Variants in CNTN5 observed in about 807,000 individuals in gnomAD.
CNTN5 encodes the protein contactin-5.
Under a neutral mutation model 129.1 loss-of-function variants are expected in CNTN5, and 77 were observed. That is an observed-to-expected ratio of 0.60 (90% confidence interval 0.50 to 0.72). CNTN5 has a LOEUF of 0.72. CNTN5 is among the 30% of genes least tolerant of loss of function. The probability of loss-of-function intolerance (pLI) is 0.00; values close to 1 mark genes in which losing one functional copy is unlikely to be tolerated. For missense variants in CNTN5, 1,478 were observed against 1,328.8 expected, an observed-to-expected ratio of 1.11 and a Z score of -1.75; for synonymous variants, 509 against 465.6, an observed-to-expected ratio of 1.09 and a Z score of -1.20.
At chr11:99,561,276 G>A (rs937295036) in intron 3 of CNTN5, among the ~76,000 whole-genome samples, 2 of 151,392 alleles carry the variant, frequency 1.3e-5, no homozygotes, top group African/African-American at 4.8e-5. Flanking sequence ...ACCAAAACTG[G>A]GACAATTTCA....
At chr11:100,143,880 C>T (rs1244067974) in intron 13 of CNTN5, among the ~76,000 whole-genome samples, 1 of 152,066 alleles carries the variant, frequency 6.6e-6, no homozygotes, top group Non-Finnish European at 1.5e-5. Flanking sequence ...TTTTTTCCTC[C>T]TCAAGGCATG....
At chr11:99,435,798 G>A (rs1943576606) in intron 2 of CNTN5, among the ~76,000 whole-genome samples, 2 of 152,152 alleles carry the variant, frequency 1.3e-5, no homozygotes, top group Non-Finnish European at 2.9e-5. Flanking sequence ...ACATAGACAA[G>A]CTTCAATTAG....
chr11:100,308,484 T>C lies in CNTN5; in HGVS notation c.2730+16T>C, dbSNP rs200693361. On this transcript the variant is annotated intron_variant, in intron 21 of 24. Transcript: ENST00000524871. ...GGGATTTGAGGTATGAACAGAATGATTGAAAATAAGCCTTATTGTTTCTTC... is the reference window on the plus strand; with the variant it reads ...GGGATTTGAGGTATGAACAGAATGACTGAAAATAAGCCTTATTGTTTCTTC... 1.1e-4 allele frequency: 175 copies of C among 1,605,580 alleles called. 3 individuals are homozygous for C. The South Asian group carries it at 1.2e-3, about 11-fold the overall frequency.
chr11:100,177,745 T>C (rs1948013449), intron 13 of CNTN5, among the ~76,000 whole-genome samples: 1 of 152,156 alleles, frequency 6.6e-6, no homozygotes, highest in South Asian at 2.1e-4. Context: ...ACGTAGAGTT[T>C]AAAGTTCTGT....
chr11:100,130,929 A>C (rs1946353794), intron 13 of CNTN5, among the ~76,000 whole-genome samples: 1 of 152,118 alleles, frequency 6.6e-6, no homozygotes, highest in Admixed American at 6.6e-5. Flanking sequence ...TTTCAAGGAA[A>C]TACCAATAAA....
chr11:99,310,013 G>C (rs1865042865), intron 1 of CNTN5, among the ~76,000 whole-genome samples: 1 of 152,066 alleles, frequency 6.6e-6, no homozygotes, highest in Non-Finnish European at 1.5e-5. Context: ...TAACTTTGGA[G>C]GGAAAGATTC....
At chr11:99,110,591 A>T (rs907493114) in intron 1 of CNTN5, among the ~76,000 whole-genome samples, 1 of 151,974 alleles carries the variant, frequency 6.6e-6, no homozygotes, top group African/African-American at 2.4e-5. Context: ...ATTTGAGATT[A>T]TTTTTCAGCA....
At chr11:99,138,205 C>A (rs1274337059) in intron 1 of CNTN5, among the ~76,000 whole-genome samples, 1 of 152,094 alleles carries the variant, frequency 6.6e-6, no homozygotes, top group African/African-American at 2.4e-5. Flanking sequence ...CACAATCCAA[C>A]ATGATAGGTG....
At chr11:100,157,645 A>G (rs925799497) in intron 13 of CNTN5, among the ~76,000 whole-genome samples, 2 of 151,870 alleles carry the variant, frequency 1.3e-5, no homozygotes, top group Non-Finnish European at 2.9e-5. Context: ...AAAGATTCAC[A>G]TAAAGAAAGA....
chr11:99,836,994 G>T (rs1055192672), intron 4 of CNTN5, among the ~76,000 whole-genome samples: 1 of 152,124 alleles, frequency 6.6e-6, no homozygotes, highest in African/African-American at 2.4e-5. Context: ...GGCTGTTTTT[G>T]TTTTGGTGGA....
At chr11:99,066,008 A>G (rs1865087256) in intron 1 of CNTN5, among the ~76,000 whole-genome samples, 1 of 152,216 alleles carries the variant, frequency 6.6e-6, no homozygotes, top group Non-Finnish European at 1.5e-5. Context: ...TTTTTTATAA[A>G]TTAGCATACA....
chr11:100,153,051 T>C (rs1489307930), intron 13 of CNTN5, among the ~76,000 whole-genome samples: 2 of 152,028 alleles, frequency 1.3e-5, no homozygotes, highest in Non-Finnish European at 2.9e-5. Context: ...AAAGAAGTAA[T>C]AAAAATGCAA....
At chr11:99,972,300 A>G (rs1951285737) in intron 8 of CNTN5, among the ~76,000 whole-genome samples, 1 of 150,456 alleles carries the variant, frequency 6.6e-6, no homozygotes, top group Non-Finnish European at 1.5e-5. Flanking sequence ...AAAAAAATGT[A>G]AAAATATTGG....
intron 1 of CNTN5, among the ~76,000 whole-genome samples, chr11:99,098,449 A>T (rs1866575766): frequency 6.6e-6 from 1 of 151,990 alleles, no homozygotes; most frequent in Admixed American, 6.6e-5. Flanking sequence ...CCACAACACT[A>T]GTGGCTGAAA....
At chr11:100,122,524 C>G (rs1946059175) in intron 13 of CNTN5, among the ~76,000 whole-genome samples, 1 of 151,920 alleles carries the variant, frequency 6.6e-6, no homozygotes, top group Admixed American at 6.6e-5. Flanking sequence ...CAAGATGACA[C>G]CTAAAATTAA....
At chr11:99,252,685 A>G (rs752122668) in intron 1 of CNTN5, among the ~76,000 whole-genome samples, 8 of 151,992 alleles carry the variant, frequency 5.3e-5, no homozygotes, top group Non-Finnish European at 1.0e-4. Context: ...TTAATTCGCT[A>G]GTTACTAATC....
intron 3 of CNTN5, among the ~76,000 whole-genome samples, chr11:99,679,650 G>C (rs1375436971): frequency 6.6e-6 from 1 of 152,100 alleles, no homozygotes; most frequent in Non-Finnish European, 1.5e-5. Context: ...TATTCCCTAA[G>C]AGACAACACT....
chr11:100,041,439 A>G (rs1050782290), intron 9 of CNTN5, among the ~76,000 whole-genome samples: 8 of 152,236 alleles, frequency 5.3e-5, no homozygotes, highest in Admixed American at 1.3e-4. Flanking sequence ...TACCTTATAT[A>G]TAATTGCTGA....
At chr11:100,132,464 A>C (rs374999914) in intron 13 of CNTN5, among the ~76,000 whole-genome samples, 57 of 152,210 alleles carry the variant, frequency 3.7e-4, no homozygotes, top group African/African-American at 1.3e-3. Flanking sequence ...TGAGGAAGTA[A>C]AGTCAACTGC....
Sources: gnomAD v4.1 joint callset for allele counts (sites outside exome capture counted in the v4.1 genomes callset) on GRCh38, gnomAD v4.1.1 for gene constraint, MANE v1.5 for transcripts, NCBI Gene and HGNC (gene_info 2026-07-23, HGNC 2026-07-21) for gene names.